GCNA: variants seen among roughly 807,000 people sequenced by gnomAD.
GCNA encodes the protein germ cell nuclear acidic peptidase.
A neutral mutation model predicts 38.8 loss-of-function variants in GCNA; 3 were observed. That is an observed-to-expected ratio of 0.08 (90% CI 0.04 to 0.20). The LOEUF (loss-of-function observed/expected upper bound fraction) is 0.20. Ranked by LOEUF, GCNA falls within the 10% of genes least tolerant of loss-of-function variation. The pLI is 1.00. For missense variants in GCNA, 446 were observed against 578.6 expected (o/e 0.77, Z 2.35); for synonymous variants, 195 against 240.2 (o/e 0.81, Z 1.74).
intron 5 of GCNA, among the ~76,000 whole-genome samples, 172 bp from the exon 6 acceptor site, chrX:71,594,574 T>C (rs1298832065): frequency 1.1e-5 from 1 of 92,605 alleles, no homozygotes; most frequent in Non-Finnish European, 2.2e-5. Flanking sequence ...ACTTTCCTCC[T>C]TTTTTTTTGG....
chrX:71,608,924 C>A (rs2040788970), intron 9 of GCNA, 49 bp from the exon 10 acceptor site: 1 of 1,180,509 alleles, frequency 8.5e-7, no homozygotes, highest in Admixed American at 2.4e-5. Context: ...GGTGTGCATT[C>A]CTTCTCTCTC....
In GCNA at chrX:71,613,480, T is replaced by C. The variant is rs896153972; in HGVS notation, c.*498T>C. 2.6e-5 allele frequency: 3 copies of C among 114,581 alleles called. No homozygotes were observed. Among genetic ancestry groups the C allele is most frequent in the Non-Finnish European group, 5.5e-5 (3 of 54,542 alleles). 9.4% of individuals were successfully genotyped at this position (114,581 alleles called of 1,213,427 possible). On this transcript the variant is annotated 3_prime_UTR_variant, in exon 13 of 13. Transcript: ENST00000373696. The stretch of plus-strand genomic sequence containing the variant: ...AACACTAGGGCTACTGTGGCATCTA[T>C]GTAGACAGGAAAGACAAACGTGTTT...
chrX:71,589,502 G>C (rs1379551122), intron 2 of GCNA, among the ~76,000 whole-genome samples: 1 of 73,320 alleles, frequency 1.4e-5, no homozygotes, highest in Non-Finnish European at 2.4e-5. Flanking sequence ...GTCTTGCTCT[G>C]TCACCCAGGC....
In GCNA at chrX:71,604,192, C is replaced by T. The variant is rs968568453; in HGVS notation, c.915C>T (p.Pro305=). ...SDDSSDDSEA[P]DDKSDDSDVP... is the part of the protein sequence containing the mutation. ...ACAGCAGTGATGATTCGGAAGCTCC[C>T]GACGACAAGAGTGATGATTCGGATG... Residue 305 remains proline, a synonymous_variant, in exon 8 of 13, where the codon CCC becomes CCT. Coordinates refer to ENST00000373696, the MANE Select transcript of GCNA (RefSeq NM_052957.5). 12 of 1,212,174 alleles carry T rather than the reference C, an allele frequency of 9.9e-6. No individual in the cohort carries two copies. The highest frequency in any genetic ancestry group is 4.6e-4 in the Middle Eastern group (2 of 4,353).
rs371339676 is a variant in GCNA, at chrX:71,579,096, C to T, written c.-3+574C>T. On this transcript the variant is annotated intron_variant, in intron 1 of 12. Transcript: ENST00000373696. The stretch of plus-strand genomic sequence containing the variant: ...GGGAGCGCTGGTGGTGGCGTAGGAG[C>T]GTGTGGTGGCGCCAGTGGCTATGTA... Among the ~76,000 whole-genome samples, 8 of 95,908 alleles carry T rather than the reference C, an allele frequency of 8.3e-5. No individual in the cohort carries two copies. The East Asian group carries it at 2.5e-3, about 30-fold the overall frequency. 83.3% of individuals were successfully genotyped at this position (95,908 alleles called of 115,157 possible). A position where few individuals can be genotyped will look rare whatever the true frequency, so the allele number is the denominator to read the frequency against.
rs150035777 is a variant in GCNA at position 71,603,727 on chromosome X, C to T, written c.450C>T (p.Asp150=). Residue 150 remains aspartate, a synonymous_variant, in exon 8 of 13, where the codon GAC becomes GAT. Transcript: ENST00000373696. ...ACAGTGATGATTCAGAAGCTCCCGA[C>T]GACAACAGTGATGATTCGGAAGCTC... ...DDNSDDSEAP[D]DNSDDSEAPD... is the part of the protein sequence containing the mutation. 12 of 1,205,701 alleles carry T rather than the reference C, an allele frequency of 1.0e-5. No individual in the cohort carries two copies. The highest frequency in any genetic ancestry group is 3.0e-5 in the East Asian group (1 of 33,705).
chrX:71,582,772 C>T (rs894027125), intron 2 of GCNA, among the ~76,000 whole-genome samples: 5 of 111,992 alleles, frequency 4.5e-5, no homozygotes, highest in African/African-American at 6.5e-5. Context: ...GCCTTTCTCC[C>T]TGTAACCCAT....
chrX:71,608,566 C>T (rs2040786268), intron 9 of GCNA, among the ~76,000 whole-genome samples: 1 of 113,031 alleles, frequency 8.8e-6, no homozygotes, highest in South Asian at 3.6e-4. Context: ...CCACCGCACC[C>T]AGCCAAGAAG....
chrX:71,606,241 G>T (rs2040768550), intron 9 of GCNA, among the ~76,000 whole-genome samples: 1 of 112,029 alleles, frequency 8.9e-6, no homozygotes, highest in Non-Finnish European at 1.9e-5. Context: ...TAGTGCTTTG[G>T]CTGAACCCAG....
At position 71,592,145 on chromosome X, in the gene GCNA, G is replaced by A. The variant is rs757700207; in HGVS notation, c.83G>A (p.Ser28Asn). Residue 28 changes from serine to asparagine, a missense_variant, in exon 3 of 13, where the codon AGC (serine) becomes AAC (asparagine). Ser to Asn is a conservative substitution (Grantham distance 46). Transcript: ENST00000373696. ...EDCYILNVQS[S>N]SDDTSGSSVA... ...AGTTACATCCTTAATGTTCAGTCAA[G>A]CAGTGATGACACCAGTGGGTCTTGT... is the stretch of plus-strand genomic sequence containing the variant. The A allele has an allele frequency of 8.3e-7, 1 of 1,207,479 alleles. No individual in the cohort carries two copies. Among genetic ancestry groups the A allele is most frequent in the East Asian group, 3.0e-5 (1 of 33,835 alleles).
At chrX:71,582,397 C>T (rs780749851) in intron 2 of GCNA, among the ~76,000 whole-genome samples, 41 of 108,775 alleles carry the variant, frequency 3.8e-4, no homozygotes, top group African/African-American at 1.4e-3. Flanking sequence ...TTTTCTCCCA[C>T]TTGGAAAAGT....
In GCNA at chrX:71,580,841, A is replaced by G; in HGVS notation, c.20A>G (p.Glu7Gly). 8.3e-7 allele frequency: 1 copy of G among 1,203,308 alleles called. No individual in the cohort carries two copies. The highest frequency in any genetic ancestry group is 1.1e-6 in the Non-Finnish European group (1 of 890,929). Residue 7 changes from glutamate to glycine, a missense_variant, in exon 2 of 13, where the codon GAG becomes GGG. By Grantham distance (98) the Glu-to-Gly change is moderately conservative (BLOSUM62 -2). Coordinates refer to ENST00000373696, the MANE Select transcript of GCNA (RefSeq NM_052957.5). Reference sequence around the variant, plus strand: ...ACAGACATGGATGGGTGCAAAAAAGAGCTGCCCCGCTTGCAAGAGCCGGAG... The same window carrying G: ...ACAGACATGGATGGGTGCAAAAAAGGGCTGCCCCGCTTGCAAGAGCCGGAG... MDGCKK[E>G]LPRLQEPEED...
At chrX:71,591,142 G>A (rs1305641586) in intron 2 of GCNA, among the ~76,000 whole-genome samples, 3 of 110,985 alleles carry the variant, frequency 2.7e-5, no homozygotes, top group East Asian at 5.6e-4. Context: ...TGGCAGTGGC[G>A]GTGAAGTGGT....
chrX:71,591,874 TA>T (rs1355163749), intron 2 of GCNA, among the ~76,000 whole-genome samples: 30 of 112,434 alleles, frequency 2.7e-4, no homozygotes, highest in African/African-American at 8.4e-4. Flanking sequence ...TAGCTAGCGA[TA>T]ACTCATCTAA....
intron 7 of GCNA, among the ~76,000 whole-genome samples, chrX:71,601,757 G>A (rs2040717037): frequency 9.0e-6 from 1 of 111,050 alleles, no homozygotes. Context: ...TTTTGGCCAG[G>A]CTGGTCTCAA....
chrX:71,605,844 T>A, intron 9 of GCNA, 115 bp downstream of exon 9: 2 of 590,111 alleles, frequency 3.4e-6, no homozygotes, highest in Middle Eastern at 7.3e-4. Context: ...CTGGCTGGGA[T>A]GGGACTGGGG....
chrX:71,592,659 G>A (rs1173152655), intron 4 of GCNA, 89 bp downstream of exon 4: 79 of 431,634 alleles, frequency 1.8e-4, no homozygotes, highest in Non-Finnish European at 2.9e-4. Flanking sequence ...GGAAATTTAA[G>A]AGTAAACTTC....
At chrX:71,594,287 G>A (rs1337706496) in intron 4 of GCNA, 44 bp from the exon 5 acceptor site, 10 of 984,623 alleles carry the variant, frequency 1.0e-5, no homozygotes, top group African/African-American at 1.9e-5. Context: ...TGCTTATGGC[G>A]TCGATAGCCC....
intron 8 of GCNA, among the ~76,000 whole-genome samples, chrX:71,605,391 T>G (rs1166204305): frequency 8.9e-6 from 1 of 112,579 alleles, no homozygotes; most frequent in Non-Finnish European, 1.9e-5. Context: ...CCACACCACC[T>G]AGCTTCTAAG....
Sources: allele counts gnomAD v4.1 joint callset (sites outside exome capture counted in the v4.1 genomes callset), GRCh38; gene constraint gnomAD v4.1.1; transcripts MANE v1.5; gene names NCBI Gene and HGNC (gene_info 2026-07-23, HGNC 2026-07-21).